Variants in IL17B observed in about 807,000 individuals in gnomAD.
IL17B encodes interleukin 17B.
Under a neutral mutation model 14.7 loss-of-function variants are expected in IL17B, and 14 were observed. The ratio of observed to expected loss-of-function variants is 0.95; its 90% CI spans 0.63 to 1.49. The LOEUF is 1.49. Ranked by LOEUF, IL17B falls within the 40% of genes most tolerant of loss-of-function variation. The probability of loss-of-function intolerance (pLI) is 0.00; values close to 1 mark genes in which losing one functional copy is unlikely to be tolerated. For synonymous variants in IL17B, 105 were observed against 94.8 expected (o/e 1.11, Z -0.62); for missense variants, 233 against 252.8 (o/e 0.92, Z 0.53).
At chr5:149,386,320 A>T (rs1758828124) in intron 1 of IL17B, among the ~76,000 whole-genome samples, 1 of 152,206 alleles carries the variant, frequency 6.6e-6, no homozygotes, top group Non-Finnish European at 1.5e-5. Context: ...CAGGATTAGC[A>T]GAGGAACGTC....
At chr5:149,389,848 T>G (rs1033146135) in intron 1 of IL17B, among the ~76,000 whole-genome samples, 1 of 152,214 alleles carries the variant, frequency 6.6e-6, no homozygotes, top group Non-Finnish European at 1.5e-5. Flanking sequence ...CTTCTAATTA[T>G]AGGATTTGTT....
At chr5:149,399,139 T>C (rs548180312) in intron 1 of IL17B, among the ~76,000 whole-genome samples, 21 of 152,184 alleles carry the variant, frequency 1.4e-4, no homozygotes, top group African/African-American at 4.1e-4. Flanking sequence ...CCACAACACA[T>C]GGGAACTATG....
upstream of IL17B, among the ~76,000 whole-genome samples, chr5:149,380,592 T>C (rs1318095811): frequency 6.6e-6 from 1 of 152,054 alleles, no homozygotes; most frequent in African/African-American, 2.4e-5. Flanking sequence ...CTGGCCAATG[T>C]CTCTCACCTC....
Position 149,401,050 on chromosome 5 carries a change from A to C in IL17B, n.95+3058T>G, listed in dbSNP as rs537158049. Among the ~76,000 whole-genome samples, 248 of 152,376 alleles carry C rather than the reference A, an allele frequency of 1.6e-3. 3 individuals carry two copies. The highest frequency in any genetic ancestry group is 5.7e-3 in the African/African-American group (235 of 41,590). ...ATCCAGGAGCAATGCTTTACCAGCTATCTGGGCATCCCATAGCCCAATCAA... is the reference window on the plus strand; with the variant it reads ...ATCCAGGAGCAATGCTTTACCAGCTCTCTGGGCATCCCATAGCCCAATCAA... On this transcript the variant is annotated intron_variant and non_coding_transcript_variant, in intron 1 of 2. Coordinates refer to the IL17B transcript ENST00000505432.
At chr5:149,398,549 T>C (rs1023310326) in intron 1 of IL17B, among the ~76,000 whole-genome samples, 7 of 152,192 alleles carry the variant, frequency 4.6e-5, no homozygotes, top group Non-Finnish European at 1.0e-4. Flanking sequence ...AATTCTTTAC[T>C]GTATTTGTCC....
chr5:149,395,615 C>T (rs1001349194), intron 1 of IL17B, among the ~76,000 whole-genome samples: 28 of 152,338 alleles, frequency 1.8e-4, no homozygotes, highest in African/African-American at 6.7e-4. Context: ...CCTAAAATGT[C>T]ATCAACTGGA....
At chr5:149,398,416 A>G (rs1337350139) in intron 1 of IL17B, among the ~76,000 whole-genome samples, 1 of 152,224 alleles carries the variant, frequency 6.6e-6, no homozygotes, top group Non-Finnish European at 1.5e-5. Flanking sequence ...CCTAGCCACC[A>G]TGGTGCTGAG....
chr5:149,400,799 G>T (rs1426964636), intron 1 of IL17B, among the ~76,000 whole-genome samples: 1 of 152,186 alleles, frequency 6.6e-6, no homozygotes, highest in African/African-American at 2.4e-5. Flanking sequence ...TGGAGCCAGG[G>T]GTGCCACTGG....
chr5:149,401,291 CT>C (rs1351105610), intron 1 of IL17B, among the ~76,000 whole-genome samples: 2 of 152,224 alleles, frequency 1.3e-5, no homozygotes, highest in Non-Finnish European at 2.9e-5. Flanking sequence ...CACATGGACC[CT>C]GACTGGTAAG....
At chr5:149,393,657 T>G (rs181519056) in intron 1 of IL17B, among the ~76,000 whole-genome samples, 70 of 152,262 alleles carry the variant, frequency 4.6e-4, no homozygotes, top group Non-Finnish European at 9.4e-4. Context: ...TCCCTCCCTC[T>G]CTTCCTCTCT....
chr5:149,377,126 C>A, intron 1 of IL17B, 101 bp from the exon 2 acceptor site: 1 of 991,044 alleles, frequency 1.0e-6, no homozygotes. Flanking sequence ...AGGGGTCTCC[C>A]AGGCTCAGGT....
rs546501361 is a variant in IL17B at position 149,378,555 on chromosome 5, T to TCACAGCCC, written c.21+642_21+649dup. On this transcript the variant is annotated intron_variant, in intron 1 of 2. Coordinates refer to ENST00000261796, the MANE Select transcript of IL17B (RefSeq NM_014443.3). Reference sequence around the variant, plus strand: ...CCATATGTTCCCTGTATGCCTCACCTCACAGCCCCACAGCCCCATGGCCCA... The same window carrying TCACAGCCC: ...CCATATGTTCCCTGTATGCCTCACCTCACAGCCCCACAGCCCCACAGCCCCATGGCCCA... Among the ~76,000 whole-genome samples the TCACAGCCC allele has an allele frequency of 1.4e-3, 211 of 152,326 alleles. 1 individual carries two copies. The highest frequency in any genetic ancestry group is 4.8e-3 in the African/African-American group (199 of 41,576).
At position 149,374,793 on chromosome 5, in the gene IL17B, G is replaced by A; in HGVS notation, c.312-193C>T. On this transcript the variant is annotated intron_variant, in intron 2 of 2. Coordinates refer to ENST00000261796, the MANE Select transcript of IL17B (RefSeq NM_014443.3). This position sits in a 1 kb window ranked among gnomAD's most constrained non-coding sequence, Gnocchi z 5.0. ...CTGAAGATCATGGAAGGCAAGTCGA[G>A]AGCCCCAAGGTTATCCAGCTTCAAG... 2 of 562,676 alleles carry A rather than the reference G, an allele frequency of 3.6e-6. No individual in the cohort carries two copies. Among genetic ancestry groups the A allele is most frequent in the Non-Finnish European group, 6.3e-6 (2 of 316,554 alleles). 34.9% of individuals were successfully genotyped at this position (562,676 alleles called of 1,614,324 possible).
rs548927942 is a variant in IL17B, at chr5:149,390,225, C to A, written n.96-13200G>T. On this transcript the variant is annotated intron_variant and non_coding_transcript_variant, in intron 1 of 2. Coordinates refer to the IL17B transcript ENST00000505432. ...TATTACTGGTATTAGTGACCCCCCC[C>A]CTCCCTGTCCCTGGGGAAAGATGGG... Among the ~76,000 whole-genome samples the A allele has an allele frequency of 1.1e-4, 16 of 146,686 alleles. 1 individual carries two copies. The highest frequency in any genetic ancestry group is 3.9e-4 in the East Asian group (2 of 5,098).
chr5:149,377,120 G>T (rs1383586819), intron 1 of IL17B, 95 bp from the exon 2 acceptor site: 1 of 1,067,862 alleles, frequency 9.4e-7, no homozygotes, highest in Admixed American at 3.0e-5. Flanking sequence ...GCTCTTAGGG[G>T]TCTCCCAGGC....
rs762385908 is a variant in IL17B, at chr5:149,374,629, G to C, written c.312-29C>G. On this transcript the variant is annotated intron_variant, in intron 2 of 2. Transcript: ENST00000261796. The surrounding 1 kb of genome is among the most constrained non-coding windows in gnomAD (Gnocchi z 5.0). Reference sequence around the variant, plus strand: ...CAGGGAGCAGAAGAAAGAGCAGAGCGGAAGGTGATCAGGAAAGGGCCAGTC... The same window carrying C: ...CAGGGAGCAGAAGAAAGAGCAGAGCCGAAGGTGATCAGGAAAGGGCCAGTC... 6.3e-7 allele frequency: 1 copy of C among 1,576,334 alleles called. No homozygotes were observed. The highest frequency in any genetic ancestry group is 8.7e-7 in the Non-Finnish European group (1 of 1,151,458).
At chr5:149,392,991 T>TGC (rs1561716999) in intron 1 of IL17B, among the ~76,000 whole-genome samples, 13 of 149,498 alleles carry the variant, frequency 8.7e-5, no homozygotes, top group Middle Eastern at 3.2e-3. Flanking sequence ...TGTGTGTGCG[T>TGC]GTGTGTGCTG....
intron 1 of IL17B, among the ~76,000 whole-genome samples, chr5:149,389,545 GA>G (rs1758896091): frequency 6.6e-6 from 1 of 152,248 alleles, no homozygotes; most frequent in African/African-American, 2.4e-5. Flanking sequence ...GTTGGGACCA[GA>G]ATCTACTTCC....
intron 1 of IL17B, among the ~76,000 whole-genome samples, chr5:149,390,587 G>GCACACACACACACACACACACA (rs56268721): frequency 4.3e-5 from 5 of 114,944 alleles, no homozygotes; most frequent in African/African-American, 1.8e-4. Context: ...CCCTGAGTTA[G>GCACACACACACACACACACACA]CACACACACA....
Sources: allele counts gnomAD v4.1 joint callset (sites outside exome capture counted in the v4.1 genomes callset), GRCh38; gene constraint gnomAD v4.1.1; non-coding constraint Gnocchi (gnomAD v3.1); transcripts MANE v1.5; gene names NCBI Gene and HGNC (gene_info 2026-07-23, HGNC 2026-07-21).